Variants in C2orf92 observed in about 807,000 individuals in gnomAD.
C2orf92 encodes chromosome 2 open reading frame 92, also known as uncharacterized protein C2orf92.
At chr2:97,675,259 C>G (rs1675538421) in intron 2 of C2orf92, among the ~76,000 whole-genome samples, 1 of 152,236 alleles carries the variant, frequency 6.6e-6, no homozygotes, top group Non-Finnish European at 1.5e-5. Context: ...AATTATAAGA[C>G]TCTCAGTAAA....
At chr2:97,694,731 A>G (rs1380468519) in intron 5 of C2orf92, 1 of 152,080 alleles carries the variant, frequency 6.6e-6, no homozygotes, top group African/African-American at 2.4e-5. Flanking sequence ...CCCTGCTTTC[A>G]GGTATTTTGG....
intron 2 of C2orf92, chr2:97,675,632 CTA>C (rs1675549520): frequency 2.6e-6 from 1 of 390,398 alleles, no homozygotes; most frequent in Non-Finnish European, 4.5e-6. Flanking sequence ...TGTCAACAGA[CTA>C]TGTGAAAATG....
At chr2:97,665,195 T>C (rs1370839601), upstream of C2orf92, among the ~76,000 whole-genome samples, 1 of 152,214 alleles carries the variant, frequency 6.6e-6, no homozygotes, top group African/African-American at 2.4e-5. Context: ...TACATTTGTT[T>C]ACCAAACGGA....
chr2:97,698,404 C>T (rs1320110193), intron 5 of C2orf92, among the ~76,000 whole-genome samples: 2 of 152,184 alleles, frequency 1.3e-5, no homozygotes, highest in East Asian at 1.9e-4. Context: ...TTCTCATTTT[C>T]GACTGTCTTC....
At chr2:97,685,166 T>C (rs1675912948) in intron 3 of C2orf92, among the ~76,000 whole-genome samples, 1 of 152,050 alleles carries the variant, frequency 6.6e-6, no homozygotes, top group Admixed American at 6.5e-5. Context: ...CCTGACCTCG[T>C]GATCCATCCA....
chr2:97,669,766 A>T lies in C2orf92; in HGVS notation c.-23A>T. The T allele has an allele frequency of 2.5e-6, 1 of 398,668 alleles. No homozygotes were observed. The highest frequency in any genetic ancestry group is 3.6e-5 in the East Asian group (1 of 28,084). 24.7% of individuals were successfully genotyped at this position (398,668 alleles called of 1,614,324 possible). A position where few individuals can be genotyped will look rare whatever the true frequency, so the allele number is the denominator to read the frequency against. ...CCATCAGAAGACTGGCTTCTCCATG[A>T]TGGTTTATGGACTAAGGCAAAGATG... On this transcript the variant is annotated 5_prime_UTR_variant, in exon 1 of 8. The change abolishes an upstream ATG in the 5' untranslated region. Transcript: ENST00000627399.
At chr2:97,667,755 G>C (rs1030095013), upstream of C2orf92, among the ~76,000 whole-genome samples, 4 of 152,028 alleles carry the variant, frequency 2.6e-5, no homozygotes, top group Non-Finnish European at 5.9e-5. Context: ...TCTTATAAAA[G>C]CCTATGTAAC....
upstream of C2orf92, among the ~76,000 whole-genome samples, chr2:97,667,456 G>A (rs1449964282): frequency 7.9e-6 from 1 of 126,968 alleles, no homozygotes; most frequent in African/African-American, 2.9e-5. Context: ...TTTTTGAGAT[G>A]GAGTCTCACT....
In C2orf92 at chr2:97,701,324, C is replaced by T. The variant is rs977871518; in HGVS notation, c.665+20C>T. The stretch of plus-strand genomic sequence containing the variant: ...GCCATCGTGCGTGGTGCTGGCATAA[C>T]CTTCCTTCCAAGAACCCGCGGGTGT... On this transcript the variant is annotated intron_variant, in intron 7 of 7. Transcript: ENST00000627399. The T allele has an allele frequency of 5.0e-6, 2 of 398,728 alleles. No homozygotes were observed. Among genetic ancestry groups the T allele is most frequent in the African/African-American group, 2.1e-5 (1 of 48,630 alleles). The allele number at this position is 398,728 out of a possible 1,614,324, so 24.7% of individuals were successfully genotyped here.
chr2:97,667,406 G>T (rs1675269893), upstream of C2orf92, among the ~76,000 whole-genome samples: 1 of 148,806 alleles, frequency 6.7e-6, no homozygotes, highest in Non-Finnish European at 1.5e-5. Context: ...GGGATCACAG[G>T]TTCCCGCCAC....
chr2:97,678,854 T>C (rs1573207836), intron 3 of C2orf92, among the ~76,000 whole-genome samples: 1 of 149,740 alleles, frequency 6.7e-6, no homozygotes, highest in African/African-American at 2.5e-5. Flanking sequence ...GGTGCACACC[T>C]GTAGTCCCAG....
chr2:97,690,192 T>A, intron 4 of C2orf92, 64 bp from the exon 5 acceptor site: 1 of 396,742 alleles, frequency 2.5e-6, no homozygotes, highest in Non-Finnish European at 4.5e-6. Flanking sequence ...CCCAAGGTGC[T>A]TGCAAATGTG....
chr2:97,692,834 T>A (rs1364045060), intron 5 of C2orf92, among the ~76,000 whole-genome samples: 4 of 152,252 alleles, frequency 2.6e-5, no homozygotes, highest in Admixed American at 2.0e-4. Context: ...CCTGCTTTGT[T>A]CTTGCTCTTG....
chr2:97,674,387 T>TCATAGTCTGCTTTAGGTACTTAG, intron 1 of C2orf92, 69 bp from the exon 2 acceptor site: 1 of 398,036 alleles, frequency 2.5e-6, no homozygotes, highest in Non-Finnish European at 4.4e-6. Flanking sequence ...TTCATTGTAT[T>TCATAGTCTGCTTTAGGTACTTAG]CATAGTCTGC....
chr2:97,670,294 C>G (rs1190915450), intron 1 of C2orf92: 1 of 152,174 alleles, frequency 6.6e-6, no homozygotes, highest in Non-Finnish European at 1.5e-5. Context: ...GAGTTTGTGA[C>G]AGGCCTAGGC....
chr2:97,698,065 C>T (rs536883584), intron 5 of C2orf92: 1 of 152,344 alleles, frequency 6.6e-6, no homozygotes, highest in South Asian at 2.1e-4. Flanking sequence ...GGTCTCCCAT[C>T]TGGAGCTGGG....
intron 1 of C2orf92, among the ~76,000 whole-genome samples, chr2:97,673,491 T>C (rs994114957): frequency 1.3e-5 from 2 of 152,154 alleles, no homozygotes; most frequent in Non-Finnish European, 2.9e-5. Flanking sequence ...GAGCGCCAGA[T>C]TGTTGGTGAA....
At chr2:97,702,544 A>G (rs1297668870) in intron 7 of C2orf92, 125 bp from the exon 8 acceptor site, 1 of 395,996 alleles carries the variant, frequency 2.5e-6, no homozygotes, top group East Asian at 3.6e-5. Context: ...CAGATGACAA[A>G]CCTTACTGAT....
chr2:97,690,823 A>G (rs1407123825), intron 5 of C2orf92, among the ~76,000 whole-genome samples: 1 of 139,070 alleles, frequency 7.2e-6, no homozygotes, highest in East Asian at 2.1e-4. Flanking sequence ...TCTGTTGCCC[A>G]GGCTGGAGTA....
Sources: allele counts gnomAD v4.1 joint callset (sites outside exome capture counted in the v4.1 genomes callset), GRCh38; gene constraint gnomAD v4.1.1; transcripts MANE v1.5; gene names NCBI Gene and HGNC (gene_info 2026-07-23, HGNC 2026-07-21).